The following ADAM12 variants were observed in gnomAD, a reference collection of about 807,000 sequenced individuals.
ADAM12 encodes disintegrin and metalloproteinase domain-containing protein 12.
In ADAM12, 70 loss-of-function variants were observed where a neutral mutation model predicts 106.4. The ratio of observed to expected loss-of-function variants is 0.66; its 90% CI spans 0.54 to 0.80. The LOEUF is 0.80. Ranked by LOEUF, ADAM12 falls within the 30% of genes least tolerant of loss-of-function variation. The pLI, the probability that ADAM12 is intolerant of heterozygous loss-of-function variation, is 0.00. For missense variants in ADAM12, 1,010 were observed against 1,171.9 expected, an observed-to-expected ratio of 0.86 and a Z score of 2.02; for synonymous variants, 420 against 433.5, an observed-to-expected ratio of 0.97 and a Z score of 0.39.
intron 3 of ADAM12, among the ~76,000 whole-genome samples, chr10:126,191,899 T>C (rs1957508615): frequency 6.6e-6 from 1 of 152,156 alleles, no homozygotes; most frequent in African/African-American, 2.4e-5. Flanking sequence ...CTGGGAGGCC[T>C]CAGAAAACTT....
chr10:126,361,983 C>A (rs1322963752), intron 1 of ADAM12, among the ~76,000 whole-genome samples: 3 of 151,866 alleles, frequency 2.0e-5, no homozygotes, highest in African/African-American at 7.3e-5. Context: ...AAAAAATTAA[C>A]AGAATGAAGA....
At chr10:126,057,574 C>T (rs1565020607) in intron 14 of ADAM12, among the ~76,000 whole-genome samples, 1 of 152,152 alleles carries the variant, frequency 6.6e-6, no homozygotes, top group African/African-American at 2.4e-5. Context: ...CTGTTTGCAA[C>T]ACGCCCCTGC....
At chr10:126,193,767 T>G (rs1008906456) in intron 3 of ADAM12, among the ~76,000 whole-genome samples, 2 of 152,020 alleles carry the variant, frequency 1.3e-5, no homozygotes, top group African/African-American at 2.4e-5. Context: ...TGTGGTGGCG[T>G]GCGCCTGTAG....
chr10:126,049,138 T>C lies in ADAM12; in HGVS notation c.1917+115A>G. 1 of 1,335,766 alleles carries C rather than the reference T, an allele frequency of 7.5e-7. No homozygotes were observed. The highest frequency in any genetic ancestry group is 1.0e-6 in the Non-Finnish European group (1 of 954,050). 82.7% of individuals were successfully genotyped at this position (1,335,766 alleles called of 1,614,324 possible). A position where few individuals can be genotyped will look rare whatever the true frequency, so the allele number is the denominator to read the frequency against. ...ATTGACTTTTTCTTCTAGGTGCATC[T>C]GAGAAGAAGTAGATTTAGGAAAACC... On this transcript the variant is annotated intron_variant, in intron 16 of 22. Transcript: ENST00000448723. The surrounding 1 kb of genome is among the most constrained non-coding windows in gnomAD (Gnocchi z 4.4).
chr10:126,313,120 G>A (rs1961186406), intron 2 of ADAM12, among the ~76,000 whole-genome samples: 1 of 152,204 alleles, frequency 6.6e-6, no homozygotes, highest in African/African-American at 2.4e-5. Flanking sequence ...TGAGCCTGCA[G>A]CTTGGCTGGG....
At chr10:126,218,303 C>T (rs897714375) in intron 3 of ADAM12, among the ~76,000 whole-genome samples, 6 of 152,082 alleles carry the variant, frequency 3.9e-5, no homozygotes, top group African/African-American at 9.7e-5. Context: ...AACATGGACA[C>T]GTATTCCTTC....
intron 1 of ADAM12, among the ~76,000 whole-genome samples, chr10:126,367,723 A>G (rs1243640998): frequency 6.6e-6 from 1 of 152,054 alleles, no homozygotes; most frequent in Non-Finnish European, 1.5e-5. Flanking sequence ...TACAGATAAT[A>G]CAGGCATTAA....
intron 1 of ADAM12, among the ~76,000 whole-genome samples, chr10:126,371,845 G>A (rs988865093): frequency 3.3e-5 from 5 of 152,326 alleles, no homozygotes; most frequent in Admixed American, 3.3e-4. Context: ...GGAAGCTGAA[G>A]GCTAGGAAAA....
rs1957048420 is a variant in ADAM12 at position 126,167,685 on chromosome 10, T to TA, written c.261-12381dup. 4.6e-5 allele frequency among the ~76,000 whole-genome samples: 7 copies of TA among 152,324 alleles called. 1 individual carries two copies. The highest frequency in any genetic ancestry group is 1.7e-4 in the African/African-American group (7 of 41,572). On this transcript the variant is annotated intron_variant, in intron 3 of 22. Coordinates refer to ENST00000448723, the MANE Select transcript of ADAM12 (RefSeq NM_001288973.2). ...ATTAGTGCCACATACCACCCGCAAA[T>TA]AGTCTATAGACTAGAAGCAAAGTGA...
chr10:126,234,653 G>A (rs543810286), intron 3 of ADAM12, among the ~76,000 whole-genome samples: 1 of 152,350 alleles, frequency 6.6e-6, no homozygotes, highest in African/African-American at 2.4e-5. Flanking sequence ...CATCCTGACA[G>A]TGTCCACCTA....
chr10:126,097,890 T>C (rs554997015), intron 10 of ADAM12, among the ~76,000 whole-genome samples: 4 of 152,372 alleles, frequency 2.6e-5, no homozygotes, highest in Admixed American at 2.6e-4. Context: ...GCAATAAACC[T>C]GGGTTTCTGA....
chr10:126,147,972 G>A (rs1446296383), intron 4 of ADAM12, among the ~76,000 whole-genome samples: 1 of 152,152 alleles, frequency 6.6e-6, no homozygotes, highest in Non-Finnish European at 1.5e-5. Flanking sequence ...GGGGACCTCT[G>A]CCAGCCTTTC....
intron 3 of ADAM12, among the ~76,000 whole-genome samples, chr10:126,201,124 G>T (rs1399918086): frequency 6.6e-6 from 1 of 152,132 alleles, no homozygotes; most frequent in African/African-American, 2.4e-5. Context: ...GAGAAAAAGG[G>T]ATCATTTGAG....
intron 5 of ADAM12, among the ~76,000 whole-genome samples, chr10:126,132,715 C>T (rs1956330524): frequency 6.6e-6 from 1 of 152,126 alleles, no homozygotes; most frequent in African/African-American, 2.4e-5. Context: ...TCCCACCATG[C>T]AAACTGGGGC....
chr10:126,206,377 G>A (rs1189219694), intron 3 of ADAM12, among the ~76,000 whole-genome samples: 1 of 152,186 alleles, frequency 6.6e-6, no homozygotes, highest in East Asian at 1.9e-4. Flanking sequence ...ATCCTGCTTA[G>A]TCTAGGGAGA....
chr10:126,143,275 T>G (rs908910834), intron 4 of ADAM12, among the ~76,000 whole-genome samples: 1 of 134,868 alleles, frequency 7.4e-6, no homozygotes, highest in African/African-American at 2.7e-5. Context: ...TGTGTGTATA[T>G]GGGTATGCAT....
At chr10:126,179,621 T>C (rs558775061) in intron 3 of ADAM12, among the ~76,000 whole-genome samples, 1 of 152,346 alleles carries the variant, frequency 6.6e-6, no homozygotes, top group Admixed American at 6.5e-5. Context: ...GTAGGTGATC[T>C]TGGATTAATT....
At chr10:126,073,395 T>C (rs1346065796) in intron 11 of ADAM12, among the ~76,000 whole-genome samples, 1 of 149,118 alleles carries the variant, frequency 6.7e-6, no homozygotes, top group Non-Finnish European at 1.5e-5. Context: ...GCCCTTAACT[T>C]TTTTTTTTTA....
chr10:126,295,221 T>G (rs571017153), intron 2 of ADAM12, among the ~76,000 whole-genome samples: 1 of 152,268 alleles, frequency 6.6e-6, no homozygotes, highest in African/African-American at 2.4e-5. Flanking sequence ...GCTCCATCAC[T>G]TACTAGCTGT....
Sources: allele counts gnomAD v4.1 joint callset (sites outside exome capture counted in the v4.1 genomes callset), GRCh38; gene constraint gnomAD v4.1.1; non-coding constraint Gnocchi (gnomAD v3.1); transcripts MANE v1.5; gene names NCBI Gene and HGNC (gene_info 2026-07-23, HGNC 2026-07-21).